Variants in TYW1 observed in about 807,000 individuals in gnomAD.
TYW1 encodes S-adenosyl-L-methionine-dependent tRNA 4-demethylwyosine synthase TYW1.
In TYW1, 46 loss-of-function variants were observed where a neutral mutation model predicts 96.2. The observed-to-expected ratio is 0.48, with a 90% CI of 0.38 to 0.61. The LOEUF (loss-of-function observed/expected upper bound fraction) is 0.61, where lower values mean the gene tolerates loss of function less well. Ranked by LOEUF, TYW1 falls within the 20% of genes least tolerant of loss-of-function variation. The pLI is 0.00. For missense variants in TYW1, 684 were observed against 909.6 expected, an observed-to-expected ratio of 0.75 and a Z score of 3.19; for synonymous variants, 274 against 323.0, an observed-to-expected ratio of 0.85 and a Z score of 1.63.
At chr7:67,132,509 A>G (rs867503634) in intron 13 of TYW1, among the ~76,000 whole-genome samples, 3 of 152,244 alleles carry the variant, frequency 2.0e-5, no homozygotes, top group Admixed American at 6.5e-5. Flanking sequence ...TTGTAACCCT[A>G]TATGTATCCT....
chr7:67,180,226 C>T lies in TYW1; in HGVS notation c.1699-2900C>T, dbSNP rs111623745. 2.3e-5 allele frequency among the ~76,000 whole-genome samples: 3 copies of T among 130,000 alleles called. 1 individual carries two copies. Among genetic ancestry groups the T allele is most frequent in the African/African-American group, 9.6e-5 (3 of 31,316 alleles). The allele number at this position is 130,000 out of a possible 152,430, so 85.3% of individuals were successfully genotyped here. A position where few individuals can be genotyped will look rare whatever the true frequency, so the allele number is the denominator to read the frequency against. ...ATAATAGCTAATATTTGGTATGATACGCTGCTGCCAAGCTTGGTTCCAGAT... is the reference window on the plus strand; with the variant it reads ...ATAATAGCTAATATTTGGTATGATATGCTGCTGCCAAGCTTGGTTCCAGAT... On this transcript the variant is annotated intron_variant, in intron 13 of 15. Transcript: ENST00000359626.
In TYW1 at chr7:67,166,985, A is replaced by G. The variant is rs111933116; in HGVS notation, c.1699-16141A>G. Among the ~76,000 whole-genome samples the G allele has an allele frequency of 1.7e-3, 266 of 152,258 alleles. 1 individual carries two copies. Among genetic ancestry groups the G allele is most frequent in the Non-Finnish European group, 1.0e-3 (71 of 68,014 alleles). On this transcript the variant is annotated intron_variant, in intron 13 of 15. Transcript: ENST00000359626. ...ATAAGAACATTCAAGGCTTTGGTCA[A>G]TGTTTCTTTTGCATTGTCTTTTTCT... is the stretch of plus-strand genomic sequence containing the variant.
At position 67,000,640 on chromosome 7, in the gene TYW1, A is replaced by G. The variant is rs529733431; in HGVS notation, c.273+1686A>G. Among the ~76,000 whole-genome samples, 19 of 152,174 alleles carry G rather than the reference A, an allele frequency of 1.2e-4. No homozygotes were observed. In the South Asian group the frequency reaches 3.5e-3, roughly 28 times the overall value. ...TTTTTTGTAGAGACAAGATCTTGCA[A>G]TCTTGTCCAGGCTGGTCTTGAATTC... On this transcript the variant is annotated intron_variant, in intron 3 of 15. Transcript: ENST00000359626.
rs531113786 is a variant in TYW1, at chr7:67,110,541, A to G, written c.1563-6942A>G. Among the ~76,000 whole-genome samples, 17 of 152,368 alleles carry G rather than the reference A, an allele frequency of 1.1e-4. No homozygotes were observed. The South Asian group carries it at 3.5e-3, about 32-fold the overall frequency. On this transcript the variant is annotated intron_variant, in intron 12 of 15. Coordinates refer to ENST00000359626, the MANE Select transcript of TYW1 (RefSeq NM_018264.4). ...ACAGAGACTTCAGTGGCCAAACACA[A>G]CAATGAATATCGAATTTACCAAATT...
In TYW1 at chr7:67,049,966, G is replaced by A. The variant is rs1795305921; in HGVS notation, c.1002G>A (p.Gln334=). 1 of 1,613,682 alleles carries A rather than the reference G, an allele frequency of 6.2e-7. No individual in the cohort carries two copies. Among genetic ancestry groups the A allele is most frequent in the South Asian group, 1.1e-5 (1 of 91,072 alleles). Residue 334 remains glutamine, a synonymous_variant, in exon 8 of 16, where the codon CAG becomes CAA. Coordinates refer to ENST00000359626, the MANE Select transcript of TYW1 (RefSeq NM_018264.4). ...TAATGCAGAGAGAAAAGGAACAGCA[G>A]GAAGAGAAGTCTGGTTTGTTCAGGA... ...VKKEKREKEQ[Q]EEKSGLFRNM... is the part of the protein sequence containing the mutation.
At chr7:67,017,101 A>G (rs4626481) in intron 5 of TYW1, among the ~76,000 whole-genome samples, 105,503 of 150,966 alleles carry the variant, frequency 0.7, 36,969 homozygotes, top group Admixed American at 0.79. Context: ...TCATGACTCG[A>G]CCTTACAAGT....
intron 7 of TYW1, among the ~76,000 whole-genome samples, chr7:67,036,713 T>G (rs1794853603): frequency 1.3e-5 from 2 of 152,194 alleles, no homozygotes; most frequent in Admixed American, 1.3e-4. Context: ...AGGAATAGTT[T>G]AGGATTTCAA....
intron 7 of TYW1, among the ~76,000 whole-genome samples, chr7:67,027,290 G>GA (rs553393098): frequency 6.6e-5 from 10 of 152,022 alleles, no homozygotes; most frequent in East Asian, 1.9e-4. Flanking sequence ...GCTGAATGTT[G>GA]AAAAAATCAT....
chr7:67,042,158 AAT>A (rs1437280131), intron 7 of TYW1, among the ~76,000 whole-genome samples: 3 of 147,926 alleles, frequency 2.0e-5, no homozygotes, highest in Non-Finnish European at 1.5e-5. Flanking sequence ...TTATTAGTAT[AAT>A]ATATAATTAG....
chr7:67,132,597 A>C (rs1409388389), intron 13 of TYW1, among the ~76,000 whole-genome samples: 1 of 152,156 alleles, frequency 6.6e-6, no homozygotes, highest in East Asian at 1.9e-4. Flanking sequence ...TGTACAGTTC[A>C]GTGGTATCAT....
chr7:67,123,112 A>C (rs1286354922), intron 13 of TYW1, among the ~76,000 whole-genome samples: 2 of 151,934 alleles, frequency 1.3e-5, no homozygotes, highest in Non-Finnish European at 2.9e-5. Context: ...TTCCCTTCTT[A>C]TTGACCTATT....
chr7:67,124,759 A>G (rs1797865529), intron 13 of TYW1, among the ~76,000 whole-genome samples: 1 of 152,192 alleles, frequency 6.6e-6, no homozygotes, highest in South Asian at 2.1e-4. Context: ...TTTGCAAGTA[A>G]TAGTGGTTCT....
chr7:67,104,586 T>TA (rs11423041), intron 12 of TYW1, among the ~76,000 whole-genome samples: 50,643 of 151,892 alleles, frequency 0.33, 8,953 homozygotes, highest in African/African-American at 0.45. Flanking sequence ...TCAGACTCTT[T>TA]CTGACAGTTC....
chr7:67,088,179 A>G (rs1047642912), intron 11 of TYW1, among the ~76,000 whole-genome samples: 25 of 152,166 alleles, frequency 1.6e-4, no homozygotes, highest in South Asian at 1.2e-3. Context: ...TTTGTTATAC[A>G]TTTTCACAAT....
chr7:67,063,635 GCT>G (rs1424358618), intron 9 of TYW1, among the ~76,000 whole-genome samples: 1 of 151,186 alleles, frequency 6.6e-6, no homozygotes, highest in Non-Finnish European at 1.5e-5. Flanking sequence ...GCGGAGTCTC[GCT>G]CTGTCACCCA....
intron 15 of TYW1, among the ~76,000 whole-genome samples, chr7:67,217,587 C>T (rs920305047): frequency 1.3e-5 from 2 of 152,098 alleles, no homozygotes; most frequent in Non-Finnish European, 2.9e-5. Flanking sequence ...TTTCTGGGCT[C>T]TCTATTCCAT....
intron 15 of TYW1, among the ~76,000 whole-genome samples, chr7:67,215,943 T>C (rs1364605700): frequency 1.3e-5 from 2 of 150,840 alleles, no homozygotes; most frequent in African/African-American, 2.5e-5. Flanking sequence ...GCCCACTGAC[T>C]CAAATGTTAA....
In TYW1 at chr7:67,234,173, C is replaced by A. The variant is rs561249846; in HGVS notation, c.1978-4135C>A. 5.6e-4 allele frequency among the ~76,000 whole-genome samples: 74 copies of A among 133,190 alleles called. 13 individuals carry two copies. The highest frequency in any genetic ancestry group is 1.0e-3 in the Non-Finnish European group (62 of 62,242). The allele number at this position is 133,190 out of a possible 152,430, so 87.4% of individuals were successfully genotyped here. On this transcript the variant is annotated intron_variant, in intron 15 of 15. Coordinates refer to ENST00000359626, the MANE Select transcript of TYW1 (RefSeq NM_018264.4). Reference sequence around the variant, plus strand: ...AGCAGCCTGGGCAAAATAGCTAGACCCTTTCTCTACAGAAAATTTAAAAAT... The same window carrying A: ...AGCAGCCTGGGCAAAATAGCTAGACACTTTCTCTACAGAAAATTTAAAAAT...
intron 13 of TYW1, among the ~76,000 whole-genome samples, chr7:67,155,354 A>G (rs28828435): frequency 0.16 from 23,936 of 151,842 alleles, 2,057 homozygotes; most frequent in African/African-American, 0.22. Context: ...GGTTGTGTAA[A>G]AGTGTGTGGC....
Sources: gnomAD v4.1 joint callset for allele counts (sites outside exome capture counted in the v4.1 genomes callset) on GRCh38, gnomAD v4.1.1 for gene constraint, MANE v1.5 for transcripts, NCBI Gene and HGNC (gene_info 2026-07-23, HGNC 2026-07-21) for gene names.